FUT9: variants seen among roughly 807,000 people sequenced by gnomAD.
FUT9 encodes fucosyltransferase 9.
In FUT9, 15 loss-of-function variants were observed where a neutral mutation model predicts 29.7. The observed-to-expected ratio is 0.51, with a 90% CI of 0.34 to 0.78. The LOEUF is 0.78. FUT9 is among the 30% of genes least tolerant of loss of function. The probability of loss-of-function intolerance (pLI) is 0.01; values close to 1 mark genes in which losing one functional copy is unlikely to be tolerated. For synonymous variants in FUT9, 169 were observed against 153.7 expected (o/e 1.10, Z -0.74); for missense variants, 319 against 425.4 (o/e 0.75, Z 2.20).
chr6:96,134,288 C>T (rs1432323360), intron 2 of FUT9, among the ~76,000 whole-genome samples: 1 of 151,634 alleles, frequency 6.6e-6, no homozygotes, highest in Admixed American at 6.6e-5. Context: ...GAAATCATAC[C>T]ATACATAATT....
chr6:96,055,632 T>C (rs777892483), intron 1 of FUT9, among the ~76,000 whole-genome samples: 31 of 151,870 alleles, frequency 2.0e-4, no homozygotes, highest in Non-Finnish European at 3.5e-4. Context: ...CTTTATGGTG[T>C]GGTCTGTTTT....
At chr6:96,120,896 G>A (rs933937798) in intron 2 of FUT9, among the ~76,000 whole-genome samples, 36 of 151,648 alleles carry the variant, frequency 2.4e-4, no homozygotes, top group African/African-American at 8.2e-4. Context: ...ATGGATGCAC[G>A]GGTGGATAGA....
intron 1 of FUT9, among the ~76,000 whole-genome samples, chr6:96,073,853 C>T (rs566186729): frequency 6.6e-6 from 1 of 152,182 alleles, no homozygotes; most frequent in African/African-American, 2.4e-5. Flanking sequence ...CATCTGTCAT[C>T]TGTGGAATGA....
intron 2 of FUT9, among the ~76,000 whole-genome samples, chr6:96,154,660 T>A (rs1446855279): frequency 6.6e-6 from 1 of 152,218 alleles, no homozygotes; most frequent in Non-Finnish European, 1.5e-5. Flanking sequence ...ACTTAACTTT[T>A]TTTGTGCCTG....
chr6:96,110,513 A>C (rs1037643767), intron 1 of FUT9, among the ~76,000 whole-genome samples: 6 of 152,070 alleles, frequency 3.9e-5, no homozygotes, highest in Admixed American at 6.6e-5. Flanking sequence ...CCCTCAACTT[A>C]ATTAAGAATT....
At chr6:96,190,956 G>A (rs1773496102) in intron 2 of FUT9, among the ~76,000 whole-genome samples, 1 of 152,168 alleles carries the variant, frequency 6.6e-6, no homozygotes, top group South Asian at 2.1e-4. Flanking sequence ...ATGAGGAGCT[G>A]CGTTCCTTTG....
intron 1 of FUT9, among the ~76,000 whole-genome samples, chr6:96,080,812 T>C (rs1771223280): frequency 1.3e-5 from 2 of 151,922 alleles, no homozygotes; most frequent in African/African-American, 2.4e-5. Flanking sequence ...AACTGTCAAC[T>C]TGAGATGTTC....
intron 1 of FUT9, among the ~76,000 whole-genome samples, chr6:96,106,685 T>G (rs1305992780): frequency 6.6e-6 from 1 of 152,174 alleles, no homozygotes; most frequent in African/African-American, 2.4e-5. Flanking sequence ...ACCCAAACCT[T>G]ATTCTATCCA....
intron 1 of FUT9, chr6:96,021,021 G>C (rs1349401891): frequency 6.6e-6 from 1 of 152,026 alleles, no homozygotes; most frequent in Non-Finnish European, 1.5e-5. Flanking sequence ...AGTTTAAGTG[G>C]AGAAGCCAGT....
chr6:96,125,402 C>A lies in FUT9; in HGVS notation c.-9+11275C>A, dbSNP rs183524823. Among the ~76,000 whole-genome samples the A allele has an allele frequency of 9.0e-4, 137 of 152,188 alleles. 1 individual carries two copies. Among genetic ancestry groups the A allele is most frequent in the African/African-American group, 3.2e-3 (133 of 41,520 alleles). ...CTTCTCTACCTTAATTACATTGTGG[C>A]AATGGCAAATTGAAATGTGATATTG... On this transcript the variant is annotated intron_variant, in intron 2 of 2. Coordinates refer to ENST00000302103, the MANE Select transcript of FUT9 (RefSeq NM_006581.4).
chr6:96,180,216 A>G (rs1440853065), intron 2 of FUT9, among the ~76,000 whole-genome samples: 1 of 152,130 alleles, frequency 6.6e-6, no homozygotes, highest in Admixed American at 6.6e-5. Context: ...TGCTATGTCC[A>G]GGGACTATCC....
chr6:96,022,755 C>T (rs1448183382), intron 1 of FUT9, among the ~76,000 whole-genome samples: 1 of 151,748 alleles, frequency 6.6e-6, no homozygotes, highest in African/African-American at 2.4e-5. Flanking sequence ...TTGGTACACC[C>T]CAAAATGAAA....
chr6:96,135,032 G>T (rs1474051850), intron 2 of FUT9, among the ~76,000 whole-genome samples: 1 of 151,866 alleles, frequency 6.6e-6, no homozygotes, highest in East Asian at 1.9e-4. Flanking sequence ...GGTGCAGGTT[G>T]CTGTATTGCT....
chr6:96,065,576 T>C (rs1770948512), intron 1 of FUT9, among the ~76,000 whole-genome samples: 1 of 152,164 alleles, frequency 6.6e-6, no homozygotes, highest in Non-Finnish European at 1.5e-5. Context: ...TCCAAGTCTG[T>C]GAACTTTCTC....
chr6:96,062,406 T>C (rs1381740859), intron 1 of FUT9, among the ~76,000 whole-genome samples: 1 of 152,116 alleles, frequency 6.6e-6, no homozygotes, highest in East Asian at 1.9e-4. Flanking sequence ...AATCATGTTA[T>C]TTGGAGTTAT....
chr6:96,062,721 G>A (rs1770898048), intron 1 of FUT9, among the ~76,000 whole-genome samples: 1 of 151,974 alleles, frequency 6.6e-6, no homozygotes, highest in Non-Finnish European at 1.5e-5. Context: ...TTTTTGTATG[G>A]CTTGGATATT....
At chr6:96,143,902 CAACT>C (rs1772514905) in intron 2 of FUT9, among the ~76,000 whole-genome samples, 1 of 144,152 alleles carries the variant, frequency 6.9e-6, no homozygotes, top group Admixed American at 7.0e-5. Context: ...CCACACCACC[CAACT>C]GCTTTTAATT....
intron 1 of FUT9, among the ~76,000 whole-genome samples, chr6:96,079,756 T>G (rs1296957061): frequency 3.9e-5 from 6 of 152,098 alleles, no homozygotes; most frequent in Admixed American, 1.3e-4. Context: ...CTTTCATATT[T>G]TTTAATAGTT....
At chr6:96,076,244 G>A (rs1463051754) in intron 1 of FUT9, among the ~76,000 whole-genome samples, 2 of 152,112 alleles carry the variant, frequency 1.3e-5, no homozygotes, top group Non-Finnish European at 2.9e-5. Context: ...AGGAAATATA[G>A]GAAGACTATT....
Sources: allele counts gnomAD v4.1 joint callset (sites outside exome capture counted in the v4.1 genomes callset), GRCh38; gene constraint gnomAD v4.1.1; transcripts MANE v1.5; gene names NCBI Gene and HGNC (gene_info 2026-07-23, HGNC 2026-07-21).